The following CRISPLD1 variants were observed in gnomAD, a reference collection of about 807,000 sequenced individuals.
CRISPLD1 encodes cysteine-rich secretory protein LCCL domain-containing 1.
CRISPLD1 carries 60 observed loss-of-function variants against 77.5 expected under a neutral mutation model. The observed-to-expected ratio is 0.77, with a 90% CI of 0.63 to 0.96. The LOEUF (loss-of-function observed/expected upper bound fraction) is 0.96, where lower values mean the gene tolerates loss of function less well. Among genes scored for constraint, CRISPLD1 ranks in the 40% least tolerant of loss-of-function variants. The probability of loss-of-function intolerance (pLI) is 0.00; values close to 1 mark genes in which losing one functional copy is unlikely to be tolerated. For missense variants in CRISPLD1, 623 were observed against 615.8 expected (o/e 1.01, Z -0.12); for synonymous variants, 195 against 200.1 (o/e 0.97, Z 0.22).
rs780671878 is a variant in CRISPLD1 at position 75,014,013 on chromosome 8, C to T, written c.537C>T (p.Ile179=). 42 of 1,612,734 alleles carry T rather than the reference C, an allele frequency of 2.6e-5. No homozygotes were observed. Among genetic ancestry groups the T allele is most frequent in the African/African-American group, 5.3e-5 (4 of 74,810 alleles). ...TCGTGTGGGCAACTAGTAACAGAATCGGTTGTGCCATTAATTTGTGTCATA... is the reference window on the plus strand; with the variant it reads ...TCGTGTGGGCAACTAGTAACAGAATTGGTTGTGCCATTAATTTGTGTCATA... ...TQVVWATSNR[I]GCAINLCHNM... Residue 179 remains isoleucine (I), a synonymous_variant, in exon 5 of 15, where the codon ATC becomes ATT. Transcript: ENST00000262207.
At chr8:75,005,630 C>T (rs1812815813) in intron 2 of CRISPLD1, among the ~76,000 whole-genome samples, 1 of 152,136 alleles carries the variant, frequency 6.6e-6, no homozygotes, top group Admixed American at 6.5e-5. Flanking sequence ...CAGCCCTTGA[C>T]TGCTCAGAAC....
intron 13 of CRISPLD1, among the ~76,000 whole-genome samples, chr8:75,028,948 C>T (rs1277566839): frequency 1.3e-5 from 2 of 151,956 alleles, no homozygotes; most frequent in African/African-American, 4.8e-5. Context: ...TTGTATTAGG[C>T]AAAAGTGAAC....
chr8:74,993,111 A>T (rs1352677205), intron 2 of CRISPLD1, among the ~76,000 whole-genome samples: 3 of 152,114 alleles, frequency 2.0e-5, no homozygotes, highest in Admixed American at 2.0e-4. Context: ...GTCCAGAATA[A>T]ATGTAGATAA....
chr8:75,032,722 A>G lies in CRISPLD1; in HGVS notation c.*480A>G, dbSNP rs1232566827. 6.6e-6 allele frequency: 1 copy of G among 152,058 alleles called. No individual in the cohort carries two copies. The highest frequency in any genetic ancestry group is 2.4e-5 in the African/African-American group (1 of 41,446). The allele number at this position is 152,058 out of a possible 1,614,324, so 9.4% of individuals were successfully genotyped here. ...TCCAAATAATCTCAAATAATTTTCC[A>G]CTTAATAACTGTAAAGTTTTTTTCT... is the stretch of plus-strand genomic sequence containing the variant. On this transcript the variant is annotated 3_prime_UTR_variant, in exon 15 of 15. Transcript: ENST00000262207.
At chr8:75,009,839 T>G (rs1812898513) in intron 2 of CRISPLD1, among the ~76,000 whole-genome samples, 1 of 152,114 alleles carries the variant, frequency 6.6e-6, no homozygotes, top group Non-Finnish European at 1.5e-5. Flanking sequence ...ACTTAATTCT[T>G]CTTTGGACAA....
intron 13 of CRISPLD1, among the ~76,000 whole-genome samples, chr8:75,027,661 A>G (rs904249300): frequency 1.3e-5 from 2 of 152,200 alleles, no homozygotes; most frequent in African/African-American, 4.8e-5. Context: ...TCAGAGATCC[A>G]ATCGTTAATA....
At chr8:74,993,727 G>T (rs1046393744) in intron 2 of CRISPLD1, among the ~76,000 whole-genome samples, 1 of 152,332 alleles carries the variant, frequency 6.6e-6, no homozygotes, top group African/African-American at 2.4e-5. Context: ...TTCAATAGGA[G>T]AATGGAGCAT....
chr8:74,985,002 TAA>T (rs35842052), intron 1 of CRISPLD1, 82 bp downstream of exon 1: 20 of 139,472 alleles, frequency 1.4e-4, no homozygotes, highest in African/African-American at 3.3e-4. Context: ...AAACTGTACT[TAA>T]AAAAAAAAAA....
rs947063478 is a variant in CRISPLD1 at position 75,020,028 on chromosome 8, C to A, written c.1193C>A (p.Thr398Lys). 23 of 1,613,994 alleles carry A rather than the reference C, an allele frequency of 1.4e-5. No homozygotes were observed. The highest frequency in any genetic ancestry group is 1.9e-5 in the Non-Finnish European group (23 of 1,179,994). Reference sequence around the variant, plus strand: ...TCAGTTCAGGCTGTGACTTGTGAAACAACTGTGGAACAGCTCTGTCCATTT... The same window carrying A: ...TCAGTTCAGGCTGTGACTTGTGAAAAAACTGTGGAACAGCTCTGTCCATTT... Reference protein sequence around the residue: ...KVTVQAVTCETTVEQLCPFHK... With the variant: ...KVTVQAVTCEKTVEQLCPFHK... Residue 398 changes from threonine (T) to lysine (K), a missense_variant, in exon 12 of 15, where the codon ACA (threonine) becomes AAA (lysine). Transcript: ENST00000262207.
chr8:75,013,037 T>C lies in CRISPLD1; in HGVS notation c.510+15T>C, dbSNP rs1441990347. The C allele has an allele frequency of 6.6e-7, 1 of 1,509,086 alleles. No individual in the cohort carries two copies. The allele number at this position is 1,509,086 out of a possible 1,614,324, so 93.5% of individuals were successfully genotyped here. ...ATTATACACAGGTATGTTTGGGGGG[T>C]ATTATACTTAATTCCCCCAAATTGA... On this transcript the variant is annotated intron_variant, in intron 4 of 14. Transcript: ENST00000262207.
chr8:75,025,987 C>T (rs1234576209), intron 13 of CRISPLD1, among the ~76,000 whole-genome samples: 1 of 152,134 alleles, frequency 6.6e-6, no homozygotes, highest in Non-Finnish European at 1.5e-5. Flanking sequence ...ACAATATCTT[C>T]ACTGCCAAAC....
chr8:74,988,499 A>G (rs563396555), intron 2 of CRISPLD1, among the ~76,000 whole-genome samples: 3 of 152,250 alleles, frequency 2.0e-5, no homozygotes, highest in East Asian at 1.9e-4. Context: ...TTAATATTAC[A>G]TTTCTACCCC....
At chr8:75,029,794 G>A (rs1029637366) in intron 14 of CRISPLD1, among the ~76,000 whole-genome samples, 2 of 152,062 alleles carry the variant, frequency 1.3e-5, no homozygotes, top group African/African-American at 4.8e-5. Context: ...TTATAATTAG[G>A]AACTTTCTTT....
Position 75,013,975 on chromosome 8 carries a change from T to C in CRISPLD1, c.511-12T>C. 6.3e-7 allele frequency: 1 copy of C among 1,587,012 alleles called. No homozygotes were observed. Among genetic ancestry groups the C allele is most frequent in the African/African-American group, 1.3e-5 (1 of 74,398 alleles). On this transcript the variant is annotated splice_polypyrimidine_tract_variant and intron_variant, in intron 4 of 14. Transcript: ENST00000262207. ...GCCTGCTTTTTCTGAGCCTTTCATTTTTCTAACATAGGTCGTGTGGGCAAC... is the reference window on the plus strand; with the variant it reads ...GCCTGCTTTTTCTGAGCCTTTCATTCTTCTAACATAGGTCGTGTGGGCAAC...
chr8:74,987,248 A>G (rs570620582), intron 2 of CRISPLD1, among the ~76,000 whole-genome samples: 41 of 152,274 alleles, frequency 2.7e-4, no homozygotes, highest in African/African-American at 7.9e-4. Context: ...AGAAAAAATT[A>G]TTTTACCCTA....
chr8:74,986,254 AT>A lies in CRISPLD1; in HGVS notation c.258+14del. On this transcript the variant is annotated intron_variant, in intron 2 of 14. Coordinates refer to ENST00000262207, the MANE Select transcript of CRISPLD1 (RefSeq NM_031461.6). Reference sequence around the variant, plus strand: ...CTAATATGGAGTATATGGTAAGGACATTTTTCAAGTGGTATGTACAAAAGAA... The same window carrying A: ...CTAATATGGAGTATATGGTAAGGACATTTTCAAGTGGTATGTACAAAAGAA... 6.2e-7 allele frequency: 1 copy of A among 1,612,314 alleles called. No homozygotes were observed.
chr8:74,998,780 A>G (rs1301055660), intron 2 of CRISPLD1, among the ~76,000 whole-genome samples: 1 of 151,436 alleles, frequency 6.6e-6, no homozygotes, highest in Non-Finnish European at 1.5e-5. Context: ...GGAATCAGAG[A>G]TTTAAAGTAG....
intron 12 of CRISPLD1, among the ~76,000 whole-genome samples, chr8:75,025,038 G>A (rs1174348458): frequency 6.6e-6 from 1 of 152,180 alleles, no homozygotes; most frequent in Non-Finnish European, 1.5e-5. Flanking sequence ...TGTTGAATAA[G>A]CAGTAGGATA....
intron 2 of CRISPLD1, among the ~76,000 whole-genome samples, chr8:75,006,947 T>C (rs1235998982): frequency 6.6e-6 from 1 of 152,178 alleles, no homozygotes; most frequent in Non-Finnish European, 1.5e-5. Context: ...ACAATGCTAA[T>C]TAATGCAAAA....
Sources: allele counts gnomAD v4.1 joint callset (sites outside exome capture counted in the v4.1 genomes callset), GRCh38; gene constraint gnomAD v4.1.1; transcripts MANE v1.5; gene names NCBI Gene and HGNC (gene_info 2026-07-23, HGNC 2026-07-21).